The following PRH1 variants were observed in gnomAD, a reference collection of about 807,000 sequenced individuals.
PRH1 encodes proline rich protein HaeIII subfamily 1.
A neutral mutation model predicts 7.9 loss-of-function variants in PRH1; 7 were observed. The observed-to-expected ratio is 0.89, with a 90% confidence interval of 0.50 to 1.67. PRH1 has a LOEUF of 1.67. PRH1 is among the 40% of genes most tolerant of loss of function. The probability of loss-of-function intolerance (pLI) is 0.00; values close to 1 mark genes in which losing one functional copy is unlikely to be tolerated. For missense variants in PRH1, 109 were observed against 223.6 expected (o/e 0.49, Z 3.27); for synonymous variants, 45 against 80.8 (o/e 0.56, Z 2.38).
At chr12:10,892,913 T>C (rs10772380) in intron 2 of PRH1, among the ~76,000 whole-genome samples, 1 of 152,014 alleles carries the variant, frequency 6.6e-6, no homozygotes, top group Non-Finnish European at 1.5e-5. Context: ...GGCCTGCTTG[T>C]AAGCAAGTGT....
At chr12:10,919,671 T>C (rs553674002) in intron 2 of PRH1, among the ~76,000 whole-genome samples, 19 of 151,952 alleles carry the variant, frequency 1.3e-4, no homozygotes, top group African/African-American at 4.6e-4. Flanking sequence ...TTGAACAGTC[T>C]ACGTTTTTTT....
chr12:11,040,139 T>G (rs757880798), intron 1 of PRH1, among the ~76,000 whole-genome samples: 1 of 152,260 alleles, frequency 6.6e-6, no homozygotes, highest in Non-Finnish European at 1.5e-5. Context: ...GAGTTCTTTG[T>G]ATATGAATAT....
intron 2 of PRH1, among the ~76,000 whole-genome samples, chr12:10,956,853 C>T (rs1221840678): frequency 6.6e-6 from 1 of 152,006 alleles, no homozygotes; most frequent in South Asian, 2.1e-4. Flanking sequence ...TACAGCTGAC[C>T]AGGGAGGTGA....
intron 1 of PRH1, among the ~76,000 whole-genome samples, chr12:11,080,743 T>G (rs9777778): frequency 0.013 from 1,226 of 95,398 alleles, 133 homozygotes; most frequent in Non-Finnish European, 0.016. Context: ...CTTTGTATTT[T>G]CAGTAATTTT....
At chr12:11,061,547 A>C in intron 1 of PRH1, 1 of 1,614,120 alleles carries the variant, frequency 6.2e-7, no homozygotes, top group Non-Finnish European at 8.5e-7. Flanking sequence ...TCAAAACTCC[A>C]AACTGACATG....
chr12:10,943,429 T>C lies in PRH1; in HGVS notation c.-59+30226A>G, dbSNP rs143227751. Among the ~76,000 whole-genome samples, 936 of 152,312 alleles carry C rather than the reference T, an allele frequency of 6.1e-3. 17 individuals are homozygous for C. The highest frequency in any genetic ancestry group is 0.021 in the African/African-American group (888 of 41,562). ...TTGCCCACTTTTTAATGTGGTTGTTTTTCTCTTGTAAATTCAAGTTCCTTA... is the reference window on the plus strand; with the variant it reads ...TTGCCCACTTTTTAATGTGGTTGTTCTTCTCTTGTAAATTCAAGTTCCTTA... On this transcript the variant is annotated intron_variant, in intron 2 of 3. Coordinates refer to the PRH1 transcript ENST00000539853.
intron 1 of PRH1, among the ~76,000 whole-genome samples, chr12:11,065,534 A>T (rs975471127): frequency 6.6e-6 from 1 of 152,114 alleles, no homozygotes; most frequent in Non-Finnish European, 1.5e-5. Context: ...TTATCTTCCA[A>T]TTCACTAATT....
In PRH1 at chr12:10,892,505, A is replaced by G. The variant is rs1359786684; in HGVS notation, c.-58-8230T>C. 4.7e-5 allele frequency among the ~76,000 whole-genome samples: 5 copies of G among 107,284 alleles called. No individual in the cohort carries two copies. In the East Asian group the frequency reaches 1.7e-3, roughly 36 times the overall value. The allele number at this position is 107,284 out of a possible 152,430, so 70.4% of individuals were successfully genotyped here. On this transcript the variant is annotated intron_variant, in intron 2 of 3. Coordinates refer to the PRH1 transcript ENST00000539853. ...CTTTGAGAGCACTGGAGCAGTTAGA[A>G]AGGATTGAAAGTGAATAATCTTATT...
intron 2 of PRH1, 131 bp downstream of exon 2, chr12:10,882,928 CTG>C (rs1175426060): frequency 6.9e-7 from 1 of 1,439,912 alleles, no homozygotes; most frequent in East Asian, 2.3e-5. Context: ...TGGGAGAAAA[CTG>C]TTTGTATCTT....
intron 2 of PRH1, chr12:10,938,252 A>G (rs1220278981): frequency 3.2e-6 from 5 of 1,569,916 alleles, no homozygotes; most frequent in Non-Finnish European, 4.3e-6. Flanking sequence ...TTTCTAATAT[A>G]TTCAAGATGA....
chr12:10,950,508 T>C (rs1950554181), intron 2 of PRH1, among the ~76,000 whole-genome samples: 1 of 151,870 alleles, frequency 6.6e-6, no homozygotes, highest in South Asian at 2.1e-4. Flanking sequence ...TTTTTCATTC[T>C]ACGACTCTGA....
chr12:11,126,490 T>C (rs910978749), intron 1 of PRH1, among the ~76,000 whole-genome samples: 2 of 9,638 alleles, frequency 2.1e-4, no homozygotes, highest in African/African-American at 4.9e-4. Context: ...TTCTATTGTA[T>C]GACTATGCAA....
intron 2 of PRH1, among the ~76,000 whole-genome samples, chr12:10,911,223 T>C (rs1949894785): frequency 6.6e-6 from 1 of 152,182 alleles, no homozygotes; most frequent in Non-Finnish European, 1.5e-5. Flanking sequence ...ACCCCAAATC[T>C]GTACAAATAG....
At chr12:10,939,943 G>T (rs1013311) in intron 2 of PRH1, among the ~76,000 whole-genome samples, 40,134 of 151,856 alleles carry the variant, frequency 0.26, 5,400 homozygotes, top group Admixed American at 0.29. Context: ...CCACATAGTA[G>T]TCATAAATCA....
chr12:11,047,437 A>T (rs763152506), upstream of PRH1, among the ~76,000 whole-genome samples: 6 of 152,162 alleles, frequency 3.9e-5, no homozygotes, highest in Non-Finnish European at 8.8e-5. Flanking sequence ...ATGGGAGACA[A>T]AGGGAAAATT....
chr12:11,116,007 C>G (rs1337624280), downstream of PRH1, among the ~76,000 whole-genome samples: 3 of 151,358 alleles, frequency 2.0e-5, no homozygotes, highest in Non-Finnish European at 4.4e-5. Flanking sequence ...CAAGAGTAAC[C>G]CAAGCCCAAA....
chr12:10,986,232 T>C (rs776189290), intron 1 of PRH1: 7 of 1,614,006 alleles, frequency 4.3e-6, no homozygotes, highest in Non-Finnish European at 5.9e-6. Flanking sequence ...TCCATGGAGC[T>C]GCATCTTCTT....
intron 1 of PRH1, among the ~76,000 whole-genome samples, chr12:11,157,429 G>C (rs984054434): frequency 3.3e-5 from 5 of 152,196 alleles, no homozygotes; most frequent in African/African-American, 1.2e-4. Flanking sequence ...CATCAAGAGA[G>C]TATGATATTG....
chr12:11,114,215 T>C (rs543843623), intron 1 of PRH1, among the ~76,000 whole-genome samples: 5 of 152,320 alleles, frequency 3.3e-5, no homozygotes, highest in Non-Finnish European at 5.9e-5. Context: ...TGTATGTTTA[T>C]TGCAGCATTG....
Sources: gnomAD v4.1 joint callset for allele counts (sites outside exome capture counted in the v4.1 genomes callset) on GRCh38, gnomAD v4.1.1 for gene constraint, MANE v1.5 for transcripts, NCBI Gene and HGNC (gene_info 2026-07-23, HGNC 2026-07-21) for gene names.